CSMD2: variants seen among roughly 807,000 people sequenced by gnomAD.
CSMD2 encodes CUB and Sushi multiple domains 2.
Under a neutral mutation model 398.5 loss-of-function variants are expected in CSMD2, and 130 were observed. That is an observed-to-expected ratio of 0.33 (90% CI 0.28 to 0.38). The LOEUF (loss-of-function observed/expected upper bound fraction) is 0.38. Ranked by LOEUF, CSMD2 falls within the 10% of genes least tolerant of loss-of-function variation. CSMD2 has a pLI of 1.00. For missense variants in CSMD2, 3,829 were observed against 4,764.9 expected, an observed-to-expected ratio of 0.80 and a Z score of 5.78; for synonymous variants, 1,828 against 1,908.5, an observed-to-expected ratio of 0.96 and a Z score of 1.10.
At chr1:33,647,860 G>A (rs554085159) in intron 28 of CSMD2, among the ~76,000 whole-genome samples, 4 of 152,274 alleles carry the variant, frequency 2.6e-5, no homozygotes, top group Non-Finnish European at 2.9e-5. Flanking sequence ...CTGCCAAGGC[G>A]GACCTCCACA....
intron 5 of CSMD2, 64 bp from the exon 6 acceptor site, chr1:33,847,060 T>G: frequency 9.1e-7 from 1 of 1,095,854 alleles, no homozygotes; most frequent in Non-Finnish European, 1.3e-6. Context: ...GTATGAGCAT[T>G]CAGGAGTTCC....
At chr1:33,718,804 G>A (rs1646258696) in intron 19 of CSMD2, among the ~76,000 whole-genome samples, 1 of 152,208 alleles carries the variant, frequency 6.6e-6, no homozygotes, top group Admixed American at 6.5e-5. Context: ...GCATTTTAAA[G>A]GTTTTTATAT....
intron 2 of CSMD2, among the ~76,000 whole-genome samples, chr1:34,081,425 G>A (rs1432119120): frequency 1.2e-5 from 1 of 80,466 alleles, no homozygotes; most frequent in African/African-American, 4.8e-5. Context: ...TCCCCCTCCC[G>A]CTCCCTCTTC....
intron 2 of CSMD2, among the ~76,000 whole-genome samples, chr1:34,056,668 T>C (rs1262307211): frequency 6.6e-6 from 1 of 152,200 alleles, no homozygotes; most frequent in Non-Finnish European, 1.5e-5. Context: ...ACAGAATAAG[T>C]GCTCATAGCT....
chr1:34,030,339 G>A (rs902844873), intron 3 of CSMD2, among the ~76,000 whole-genome samples: 2 of 152,192 alleles, frequency 1.3e-5, no homozygotes, highest in Non-Finnish European at 2.9e-5. Context: ...TTTGCATAGG[G>A]TCTCTGTCAC....
At chr1:33,707,905 CT>C (rs1645859387) in intron 22 of CSMD2, among the ~76,000 whole-genome samples, 1 of 152,176 alleles carries the variant, frequency 6.6e-6, no homozygotes, top group Admixed American at 6.5e-5. Context: ...TCTGGTTCAA[CT>C]TTTTCCAATG....
At chr1:34,049,211 T>C (rs1652890250) in intron 2 of CSMD2, among the ~76,000 whole-genome samples, 1 of 152,176 alleles carries the variant, frequency 6.6e-6, no homozygotes, top group Non-Finnish European at 1.5e-5. Context: ...AAAGAGGCTT[T>C]ACCTGTGGGC....
chr1:33,753,344 C>A (rs1232211480), intron 13 of CSMD2, among the ~76,000 whole-genome samples: 2 of 152,224 alleles, frequency 1.3e-5, no homozygotes, highest in Admixed American at 1.3e-4. Flanking sequence ...CTCCCTGCAT[C>A]CTGGCTGCTC....
intron 13 of CSMD2, among the ~76,000 whole-genome samples, chr1:33,745,747 G>T (rs189907442): frequency 6.6e-6 from 1 of 152,132 alleles, no homozygotes; most frequent in African/African-American, 2.4e-5. Flanking sequence ...AGTATAGAAA[G>T]AATTCGAGCC....
chr1:34,125,069 C>T (rs9425906), intron 1 of CSMD2, among the ~76,000 whole-genome samples: 56,278 of 151,978 alleles, frequency 0.37, 11,353 homozygotes, highest in East Asian at 0.68. Flanking sequence ...ATCCAGCTAA[C>T]GTAATTAGAA....
chr1:33,905,472 C>A (rs1643031334), intron 5 of CSMD2, among the ~76,000 whole-genome samples: 1 of 152,144 alleles, frequency 6.6e-6, no homozygotes, highest in Admixed American at 6.5e-5. Context: ...AGAAACGACA[C>A]TGGAATGGGC....
intron 1 of CSMD2, among the ~76,000 whole-genome samples, chr1:34,156,569 A>G (rs866502101): frequency 7.0e-4 from 107 of 152,352 alleles, no homozygotes; most frequent in African/African-American, 2.4e-3. Flanking sequence ...TTTCTATTTG[A>G]AAACCTTGAA....
At position 33,652,407 on chromosome 1, in the gene CSMD2, T is replaced by A. The variant is rs746526812; in HGVS notation, c.4502A>T (p.Tyr1501Phe). The change falls in exon 28 of 71, where the codon TAC (tyrosine) becomes TTC (phenylalanine). Residue 1501 changes from tyrosine (Y) to phenylalanine (F), a missense_variant. By Grantham distance (22) the Tyr-to-Phe change is conservative. This residue lies in a region of CSMD2 where 2,001 missense variants were observed against 2,567.1 expected (regional missense o/e 0.78). Coordinates refer to ENST00000373381, the MANE Select transcript of CSMD2 (RefSeq NM_001281956.2). ...GPSGVILSPN[Y>F]PEPYPPGKEC... The stretch of plus-strand genomic sequence containing the variant: ...CTTGCCTGGCGGGTAGGGTTCTGGG[T>A]AATTTGGTGAGAGGATGACTCCAGA... The A allele has an allele frequency of 6.2e-7, 1 of 1,613,944 alleles. No homozygotes were observed. The highest frequency in any genetic ancestry group is 1.1e-5 in the South Asian group (1 of 91,064).
At chr1:34,082,965 A>G (rs1247093944) in intron 2 of CSMD2, among the ~76,000 whole-genome samples, 1 of 152,122 alleles carries the variant, frequency 6.6e-6, no homozygotes, top group Non-Finnish European at 1.5e-5. Flanking sequence ...TAGGAAAACC[A>G]GAGACCTTTG....
At chr1:33,960,221 CCA>C (rs1382085355) in intron 3 of CSMD2, among the ~76,000 whole-genome samples, 11 of 152,200 alleles carry the variant, frequency 7.2e-5, no homozygotes, top group Admixed American at 7.2e-4. Flanking sequence ...CTGGGAATCC[CCA>C]GAGGCCCACC....
intron 5 of CSMD2, among the ~76,000 whole-genome samples, chr1:33,880,920 C>T (rs956902952): frequency 2.6e-5 from 4 of 152,180 alleles, no homozygotes; most frequent in Non-Finnish European, 5.9e-5. Context: ...CCCCCATTCA[C>T]CCTGAAACAA....
In CSMD2 at chr1:34,007,737, T is replaced by C. The variant is rs77180400; in HGVS notation, c.517+24857A>G. On this transcript the variant is annotated intron_variant, in intron 3 of 70. Coordinates refer to ENST00000373381, the MANE Select transcript of CSMD2 (RefSeq NM_001281956.2). ...GATTGGCTGAATAATTATAGCAATA[T>C]AAATAGCATAAATATATATATTTCG... Among the ~76,000 whole-genome samples the C allele has an allele frequency of 1.5e-3, 230 of 152,328 alleles. 8 individuals are homozygous for C. The East Asian group carries it at 0.044, about 29-fold the overall frequency.
intron 3 of CSMD2, among the ~76,000 whole-genome samples, chr1:34,013,369 T>A (rs951965849): frequency 8.5e-5 from 13 of 152,150 alleles, no homozygotes; most frequent in East Asian, 1.9e-4. Context: ...CAGAGGGGCA[T>A]CCTCTTGACA....
intron 10 of CSMD2, among the ~76,000 whole-genome samples, chr1:33,809,733 C>T (rs1221871057): frequency 2.8e-5 from 3 of 107,902 alleles, no homozygotes; most frequent in Non-Finnish European, 5.8e-5. Context: ...AAAGTAGAAA[C>T]AACACCATCA....
Sources: allele counts gnomAD v4.1 joint callset (sites outside exome capture counted in the v4.1 genomes callset), GRCh38; gene constraint gnomAD v4.1.1; regional missense constraint gnomAD v4.1.1; transcripts MANE v1.5; gene names NCBI Gene and HGNC (gene_info 2026-07-23, HGNC 2026-07-21).